Variants in NAALADL2 observed in about 807,000 individuals in gnomAD.
NAALADL2 encodes N-acetylated alpha-linked acidic dipeptidase like 2.
In NAALADL2, 76 loss-of-function variants were observed where a neutral mutation model predicts 87.2. That is an observed-to-expected ratio of 0.87 (90% CI 0.72 to 1.05). The LOEUF is 1.05. Ranked by LOEUF, NAALADL2 falls within the 50% of genes least tolerant of loss-of-function variation. The probability of loss-of-function intolerance (pLI) is 0.00; values close to 1 mark genes in which losing one functional copy is unlikely to be tolerated. For synonymous variants in NAALADL2, 354 were observed against 331.0 expected, an observed-to-expected ratio of 1.07 and a Z score of -0.75; for missense variants, 1,089 against 945.8, an observed-to-expected ratio of 1.15 and a Z score of -1.99.
At chr3:175,031,782 T>C (rs1936814521) in intron 1 of NAALADL2, among the ~76,000 whole-genome samples, 1 of 152,006 alleles carries the variant, frequency 6.6e-6, no homozygotes, top group African/African-American at 2.4e-5. Flanking sequence ...TGACATCTGT[T>C]ATTTTTTACT....
chr3:174,668,364 T>C (rs940872163), intron 2 of NAALADL2, among the ~76,000 whole-genome samples: 2 of 152,160 alleles, frequency 1.3e-5, no homozygotes, highest in African/African-American at 4.8e-5. Flanking sequence ...AAGTTTGATG[T>C]AGTCTTATTT....
At chr3:175,786,031 C>A (rs1292772497) in intron 13 of NAALADL2, among the ~76,000 whole-genome samples, 1 of 152,160 alleles carries the variant, frequency 6.6e-6, no homozygotes, top group Admixed American at 6.5e-5. Flanking sequence ...TATCAGCCCC[C>A]ACTCTCTTCT....
intron 3 of NAALADL2, among the ~76,000 whole-genome samples, chr3:174,799,186 T>A (rs1001166280): frequency 6.1e-4 from 89 of 146,146 alleles, no homozygotes; most frequent in Middle Eastern, 3.4e-3. Flanking sequence ...AAAAAAAAAA[T>A]TATTTTGTGT....
At chr3:175,685,866 A>G (rs1396715224) in intron 11 of NAALADL2, among the ~76,000 whole-genome samples, 1 of 152,220 alleles carries the variant, frequency 6.6e-6, no homozygotes, top group African/African-American at 2.4e-5. Flanking sequence ...AGGCCCACCT[A>G]CATTAGGAAA....
intron 1 of NAALADL2, among the ~76,000 whole-genome samples, chr3:174,545,154 A>G (rs930857534): frequency 1.3e-5 from 2 of 152,162 alleles, no homozygotes; most frequent in African/African-American, 4.8e-5. Context: ...TTGGGATTAC[A>G]GGCACGAGCC....
chr3:174,466,390 C>G (rs554194214), intron 1 of NAALADL2, among the ~76,000 whole-genome samples: 2 of 151,944 alleles, frequency 1.3e-5, no homozygotes, highest in African/African-American at 4.8e-5. Context: ...ATTGGACCCC[C>G]CCTGGGTTAG....
chr3:174,730,176 T>C (rs554965730), intron 2 of NAALADL2, among the ~76,000 whole-genome samples: 1 of 152,144 alleles, frequency 6.6e-6, no homozygotes, highest in Non-Finnish European at 1.5e-5. Context: ...TATGTTTCCC[T>C]ATGATTAATT....
At chr3:174,985,380 A>C (rs1318649694) in intron 1 of NAALADL2, among the ~76,000 whole-genome samples, 2 of 152,180 alleles carry the variant, frequency 1.3e-5, no homozygotes, top group Non-Finnish European at 2.9e-5. Context: ...TGAAAATATA[A>C]GAATATGTCA....
intron 2 of NAALADL2, among the ~76,000 whole-genome samples, chr3:175,117,061 G>A (rs57952594): frequency 0.021 from 3,154 of 152,170 alleles, 48 homozygotes; most frequent in African/African-American, 0.022. Flanking sequence ...CTAGCCATAC[G>A]TAGAAAGCTG....
intron 4 of NAALADL2, among the ~76,000 whole-genome samples, chr3:175,309,181 G>A (rs1366557979): frequency 6.6e-6 from 1 of 151,946 alleles, no homozygotes; most frequent in Non-Finnish European, 1.5e-5. Context: ...AATAAATCAT[G>A]TATCTTTTTT....
chr3:175,755,082 G>A (rs2150132828), intron 12 of NAALADL2, 138 bp from the exon 13 acceptor site: 1 of 649,116 alleles, frequency 1.5e-6, no homozygotes, highest in East Asian at 3.0e-5. Flanking sequence ...AAAAAAGAGA[G>A]AGAGAACTGT....
intron 2 of NAALADL2, among the ~76,000 whole-genome samples, chr3:174,599,846 C>A (rs1425601403): frequency 6.6e-6 from 1 of 152,026 alleles, no homozygotes; most frequent in African/African-American, 2.4e-5. Context: ...ACAATGAAAG[C>A]CTTAGTGCTC....
intron 2 of NAALADL2, among the ~76,000 whole-genome samples, chr3:174,574,829 A>G (rs1420658703): frequency 3.9e-5 from 6 of 152,090 alleles, no homozygotes; most frequent in Non-Finnish European, 8.8e-5. Flanking sequence ...TTTGAGATTT[A>G]TCTATGATGT....
At chr3:175,655,823 A>AC in intron 11 of NAALADL2, among the ~76,000 whole-genome samples, 1 of 152,154 alleles carries the variant, frequency 6.6e-6, no homozygotes, top group East Asian at 1.9e-4. Flanking sequence ...ACAGTATGGC[A>AC]GATGCATGCT....
intron 2 of NAALADL2, among the ~76,000 whole-genome samples, chr3:175,230,722 A>G (rs1006445544): frequency 3.9e-5 from 6 of 152,090 alleles, no homozygotes; most frequent in African/African-American, 9.7e-5. Context: ...TACATTGACA[A>G]AAGTATAATA....
chr3:175,459,749 G>A (rs1275829480), intron 6 of NAALADL2, among the ~76,000 whole-genome samples: 1 of 152,046 alleles, frequency 6.6e-6, no homozygotes, highest in Non-Finnish European at 1.5e-5. Context: ...CAGAGTGCAG[G>A]TTTGTTCAAG....
At chr3:175,513,568 G>C (rs918637024) in intron 9 of NAALADL2, among the ~76,000 whole-genome samples, 5 of 152,128 alleles carry the variant, frequency 3.3e-5, no homozygotes, top group Non-Finnish European at 7.3e-5. Context: ...CCAAGGTAGG[G>C]AAAAAGTAAT....
rs1560225374 is a variant in NAALADL2 at position 174,787,580 on chromosome 3, T to TATATATATATATATATATATAC, written c.-9+49855_-9+49856insCATATATATATATATATATATA. On this transcript the variant is annotated intron_variant, in intron 3 of 3. Coordinates refer to the NAALADL2 transcript ENST00000434257. The stretch of plus-strand genomic sequence containing the variant: ...TAGAAGAAGGCAATATATCATCATA[T>TATATATATATATATATATATAC]ATATATATATATATATATATATATA... Among the ~76,000 whole-genome samples, 44 of 40,166 alleles carry TATATATATATATATATATATAC rather than the reference T, an allele frequency of 1.1e-3. 2 individuals carry two copies. The highest frequency in any genetic ancestry group is 9.2e-3 in the South Asian group (7 of 760). 26.4% of individuals were successfully genotyped at this position (40,166 alleles called of 152,430 possible).
chr3:174,544,551 CCTTTTTTTTTGTTTT>C (rs1024504696), intron 1 of NAALADL2, among the ~76,000 whole-genome samples: 4 of 147,300 alleles, frequency 2.7e-5, no homozygotes, highest in African/African-American at 7.5e-5. Flanking sequence ...TTCTTTGTTT[CCTTTTTTTTTGTTTT>C]CTTTTTTTTT....
Sources: allele counts gnomAD v4.1 joint callset (sites outside exome capture counted in the v4.1 genomes callset), GRCh38; gene constraint gnomAD v4.1.1; transcripts MANE v1.5; gene names NCBI Gene and HGNC (gene_info 2026-07-23, HGNC 2026-07-21).